The following DGAT2 variants were observed in gnomAD, a reference collection of about 807,000 sequenced individuals.
DGAT2 encodes acyl-CoA retinol O-fatty-acyltransferase.
Under a neutral mutation model 48.4 loss-of-function variants are expected in DGAT2, and 33 were observed. That is an observed-to-expected ratio of 0.68 (90% CI 0.52 to 0.91). The LOEUF (loss-of-function observed/expected upper bound fraction) is 0.91. Among genes scored for constraint, DGAT2 ranks in the 40% least tolerant of loss-of-function variants. The probability of loss-of-function intolerance (pLI) is 0.00; values close to 1 mark genes in which losing one functional copy is unlikely to be tolerated. For missense variants in DGAT2, 446 were observed against 493.7 expected (o/e 0.90, Z 0.92); for synonymous variants, 191 against 194.1 (o/e 0.98, Z 0.13).
In DGAT2 at chr11:75,798,352, G is replaced by C; in HGVS notation, c.935G>C (p.Cys312Ser). Reference protein sequence around the residue: ...KFQKYIGFAPCIFHGRGLFSS... With the variant: ...KFQKYIGFAPSIFHGRGLFSS... Reference sequence around the variant, plus strand: ...CAGAAATACATTGGTTTCGCCCCATGCATCTTCCATGGTCGAGGCCTCTTC... The same window carrying C: ...CAGAAATACATTGGTTTCGCCCCATCCATCTTCCATGGTCGAGGCCTCTTC... The change falls in exon 7 of 8, where the codon TGC becomes TCC. Residue 312 changes from cysteine (C) to serine (S), a missense_variant. By Grantham distance (112) the Cys-to-Ser change is moderately radical (BLOSUM62 -1). Transcript: ENST00000228027. 6.2e-7 allele frequency: 1 copy of C among 1,614,196 alleles called. No homozygotes were observed. The highest frequency in any genetic ancestry group is 8.5e-7 in the Non-Finnish European group (1 of 1,180,030).
rs534792969 is a variant in DGAT2 at position 75,799,566 on chromosome 11, A to T, written c.1013-788A>T. 4.6e-5 allele frequency among the ~76,000 whole-genome samples: 7 copies of T among 152,176 alleles called. 1 individual carries two copies. In the East Asian group the frequency reaches 1.4e-3, roughly 29 times the overall value. On this transcript the variant is annotated intron_variant, in intron 7 of 7. Coordinates refer to ENST00000228027, the MANE Select transcript of DGAT2 (RefSeq NM_032564.5). The stretch of plus-strand genomic sequence containing the variant: ...AAAATAAAGCAACGCACAGATCATA[A>T]ATGCTGGTCTACTCCCTCCTCTCCT...
Position 75,790,735 on chromosome 11 carries a change from A to G in DGAT2, c.429+4A>G. The stretch of plus-strand genomic sequence containing the variant: ...TCGAGACTACTTTCCCATCCAGGTA[A>G]AGTGCTGTGAGTGTTGTTTTGGGAG... On this transcript the variant is annotated splice_donor_region_variant and intron_variant, in intron 4 of 7. Transcript: ENST00000228027. 1 of 1,614,134 alleles carries G rather than the reference A, an allele frequency of 6.2e-7. No homozygotes were observed. The highest frequency in any genetic ancestry group is 1.1e-5 in the South Asian group (1 of 91,080).
At chr11:75,770,117 C>T (rs1944742861) in intron 1 of DGAT2, among the ~76,000 whole-genome samples, 1 of 152,152 alleles carries the variant, frequency 6.6e-6, no homozygotes. Context: ...TGATCATTTT[C>T]TTTATACACA....
rs1394098831 is a variant in DGAT2, at chr11:75,790,193, G to C, written c.256G>C (p.Ala86Pro). ...TGTGGCCATCTGCCCCCCAGGAGTG[G>C]CCTGCAGTGCCATCCTCATGTACAT... is the stretch of plus-strand genomic sequence containing the variant. ...WVLSFLVLGV[A>P]CSAILMYIFC... is the part of the protein sequence containing the mutation. Residue 86 changes from alanine (A) to proline (P), a missense_variant, in exon 3 of 8, where the codon GCC becomes CCC. Ala to Pro is a conservative substitution (Grantham distance 27). Transcript: ENST00000228027. The C allele has an allele frequency of 6.2e-7, 1 of 1,613,564 alleles. No individual in the cohort carries two copies. The highest frequency in any genetic ancestry group is 2.2e-5 in the East Asian group (1 of 44,880).
Position 75,782,178 on chromosome 11 carries a change from G to A in DGAT2, c.122-2440G>A, listed in dbSNP as rs916853197. Among the ~76,000 whole-genome samples the A allele has an allele frequency of 3.9e-5, 6 of 152,166 alleles. No homozygotes were observed. The South Asian group carries it at 6.2e-4, about 16-fold the overall frequency. On this transcript the variant is annotated intron_variant, in intron 1 of 7. Transcript: ENST00000228027. Reference sequence around the variant, plus strand: ...TTTTTCCTGCCAAATAGAAGGTGGTGTTCCCCGGTGCTGTGTCTCACCCCA... The same window carrying A: ...TTTTTCCTGCCAAATAGAAGGTGGTATTCCCCGGTGCTGTGTCTCACCCCA...
At chr11:75,790,939 G>A (rs1944982679) in intron 4 of DGAT2, among the ~76,000 whole-genome samples, 1 of 152,234 alleles carries the variant, frequency 6.6e-6, no homozygotes, top group African/African-American at 2.4e-5. Context: ...CAGGGAAATG[G>A]TGGCTCAGTT....
At chr11:75,798,113 T>C in intron 6 of DGAT2, 114 bp from the exon 7 acceptor site, 1 of 1,096,688 alleles carries the variant, frequency 9.1e-7, no homozygotes, top group Non-Finnish European at 1.3e-6. Context: ...CAGGTAATTC[T>C]GGTACACCCA....
chr11:75,789,015 A>G (rs1392896949), intron 2 of DGAT2, among the ~76,000 whole-genome samples: 1 of 152,216 alleles, frequency 6.6e-6, no homozygotes, highest in East Asian at 1.9e-4. Flanking sequence ...GCCATGAGAT[A>G]AAGCAGGCAT....
rs1944902971 is a variant in DGAT2, at chr11:75,784,727, C to A, written c.231C>A (p.Val77=). 1.2e-6 allele frequency: 2 copies of A among 1,613,962 alleles called. No homozygotes were observed. The highest frequency in any genetic ancestry group is 3.3e-5 in the Admixed American group (2 of 60,000). ...AGGTCATCTCAGTGCTCCAGTGGGT[C>A]CTGTCCTTCCTTGTACTGGGTAAGC... ...QLQVISVLQW[V]LSFLVLGVAC... Residue 77 remains valine (V), a synonymous_variant, in exon 2 of 8, where the codon GTC becomes GTA. Coordinates refer to ENST00000228027, the MANE Select transcript of DGAT2 (RefSeq NM_032564.5).
At position 75,800,677 on chromosome 11, in the gene DGAT2, C is replaced by G. The variant is rs1945104206; in HGVS notation, c.*169C>G. The G allele has an allele frequency of 3.4e-6, 3 of 884,588 alleles. No individual in the cohort carries two copies. The Admixed American group carries it at 8.9e-5, about 26-fold the overall frequency. 54.8% of individuals were successfully genotyped at this position (884,588 alleles called of 1,614,324 possible). ...TTTAAGAAGGAAAAAGTCAGTATTT[C>G]AAGTTCTTTCACTTCCAGCTTGCCC... is the stretch of plus-strand genomic sequence containing the variant. On this transcript the variant is annotated 3_prime_UTR_variant, in exon 8 of 8. Coordinates refer to ENST00000228027, the MANE Select transcript of DGAT2 (RefSeq NM_032564.5).
chr11:75,783,465 C>T (rs943187911), intron 1 of DGAT2, among the ~76,000 whole-genome samples: 1 of 152,178 alleles, frequency 6.6e-6, no homozygotes, highest in African/African-American at 2.4e-5. Flanking sequence ...CCCCTAAATC[C>T]GTCTTTCTCC....
intron 7 of DGAT2, among the ~76,000 whole-genome samples, chr11:75,799,605 C>CTTTTTT (rs1404419285): frequency 6.6e-6 from 1 of 151,564 alleles, no homozygotes; most frequent in African/African-American, 2.4e-5. Context: ...CTTAACCACA[C>CTTTTTT]TTTTTATTTT....
intron 1 of DGAT2, among the ~76,000 whole-genome samples, chr11:75,781,444 G>A (rs1025536722): frequency 6.6e-6 from 1 of 152,248 alleles, no homozygotes; most frequent in Non-Finnish European, 1.5e-5. Context: ...CCAGGCCACG[G>A]CCTCCATGGT....
At chr11:75,785,692 C>T (rs891891608) in intron 2 of DGAT2, among the ~76,000 whole-genome samples, 7 of 152,226 alleles carry the variant, frequency 4.6e-5, no homozygotes, top group African/African-American at 1.7e-4. Flanking sequence ...GAGCCAGTCC[C>T]TCTGGGCAAC....
At chr11:75,775,350 T>C (rs1397109126) in intron 1 of DGAT2, among the ~76,000 whole-genome samples, 4 of 152,210 alleles carry the variant, frequency 2.6e-5, no homozygotes, top group East Asian at 1.9e-4. Flanking sequence ...ACTTCCCACC[T>C]GGCACACCTA....
At chr11:75,780,790 C>T (rs867876216) in intron 1 of DGAT2, among the ~76,000 whole-genome samples, 55 of 152,236 alleles carry the variant, frequency 3.6e-4, no homozygotes, top group African/African-American at 1.2e-3. Context: ...GACCTTGACC[C>T]GGTATCACCA....
intron 5 of DGAT2, 165 bp from the exon 6 acceptor site, chr11:75,796,993 C>G (rs1002637876): frequency 6.5e-6 from 4 of 617,124 alleles, no homozygotes; most frequent in Admixed American, 3.1e-5. Context: ...GAAACTGAGG[C>G]TCAGAAAAAT....
At chr11:75,794,964 TC>T (rs1945033881) in intron 4 of DGAT2, 2 of 99,220 alleles carry the variant, frequency 2.0e-5, no homozygotes. Context: ...CTCTCCCCTC[TC>T]CTCCGTTCCT....
At chr11:75,781,552 C>G (rs118136774) in intron 1 of DGAT2, among the ~76,000 whole-genome samples, 78 of 152,388 alleles carry the variant, frequency 5.1e-4, no homozygotes, top group Non-Finnish European at 7.5e-4. Context: ...CTCTAACGCC[C>G]ACGGAAGCAC....
Sources: gnomAD v4.1 joint callset for allele counts (sites outside exome capture counted in the v4.1 genomes callset) on GRCh38, gnomAD v4.1.1 for gene constraint, MANE v1.5 for transcripts, NCBI Gene and HGNC (gene_info 2026-07-23, HGNC 2026-07-21) for gene names.